The following DST variants were observed in gnomAD, a reference collection of about 807,000 sequenced individuals.
The protein encoded by DST is dystonin, also known as bullous pemphigoid antigen.
DST carries 253 observed loss-of-function variants against 875.2 expected under a neutral mutation model. That is an observed-to-expected ratio of 0.29 (90% CI 0.26 to 0.32). DST has a LOEUF of 0.32. Ranked by LOEUF, DST falls within the 10% of genes least tolerant of loss-of-function variation. The pLI is 1.00. For synonymous variants in DST, 3,124 were observed against 3,197.1 expected (o/e 0.98, Z 0.77); for missense variants, 8,287 against 9,111.6 (o/e 0.91, Z 3.68).
chr6:56,694,991 G>A (rs1323705907), intron 9 of DST, among the ~76,000 whole-genome samples: 1 of 151,982 alleles, frequency 6.6e-6, no homozygotes, highest in African/African-American at 2.4e-5. Context: ...GCCAGATGTG[G>A]TGATGCGTGC....
At chr6:56,619,080 C>G (rs1235672459) in intron 36 of DST, 1 of 1,613,896 alleles carries the variant, frequency 6.2e-7, no homozygotes, top group Non-Finnish European at 8.5e-7. Context: ...TTCGCCAGGT[C>G]TTCTTCTAGG....
intron 3 of DST, among the ~76,000 whole-genome samples, chr6:56,858,847 CTCA>C (rs1769410663): frequency 6.6e-6 from 1 of 152,122 alleles, no homozygotes; most frequent in Non-Finnish European, 1.5e-5. Flanking sequence ...TTATTTAATA[CTCA>C]CTGAAATCCA....
At chr6:56,619,672 T>C in intron 36 of DST, 1 of 1,613,938 alleles carries the variant, frequency 6.2e-7, no homozygotes, top group South Asian at 1.1e-5. Context: ...CTTGCATGGC[T>C]TCTTCAGCTT....
intron 3 of DST, among the ~76,000 whole-genome samples, chr6:56,891,341 T>A (rs1209153675): frequency 6.6e-6 from 1 of 152,050 alleles, no homozygotes; most frequent in African/African-American, 2.4e-5. Context: ...GGTGTTCTCT[T>A]GAGCCCAGGA....
Position 56,606,363 on chromosome 6 carries a change from T to G in DST, c.8265A>C (p.Ala2755=), listed in dbSNP as rs766067315. The change falls in exon 40 of 104, where the codon GCA becomes GCC. Residue 2755 remains alanine, a synonymous_variant. Coordinates refer to ENST00000680361, the MANE Select transcript of DST (RefSeq NM_001374736.1). The part of the protein sequence containing the change: ...DIVGGKESFT[A]SLKFDDSGSW... ...TGCCACTGTCATCAAATTTTAATGA[T>G]GCAGTGAAGCTCTCTTTTCCTCCTA... is the stretch of plus-strand genomic sequence containing the variant. The G allele has an allele frequency of 1.2e-6, 2 of 1,613,220 alleles. No individual in the cohort carries two copies. Among genetic ancestry groups the G allele is most frequent in the Admixed American group, 1.7e-5 (1 of 59,846 alleles).
At position 56,653,832 on chromosome 6, in the gene DST, C is replaced by T. The variant is rs564420209; in HGVS notation, c.1215-2588G>A. Among the ~76,000 whole-genome samples, 6 of 152,318 alleles carry T rather than the reference C, an allele frequency of 3.9e-5. No individual in the cohort carries two copies. The South Asian group carries it at 8.3e-4, about 21-fold the overall frequency. ...CTACCTGCCTGAAGCATCCAGAAGA[C>T]GCCTGTGCTGTGTGTGTCCTGTCCA... On this transcript the variant is annotated intron_variant, in intron 10 of 103. Transcript: ENST00000680361.
intron 91 of DST, 99 bp downstream of exon 91, chr6:56,477,246 T>A: frequency 7.5e-7 from 1 of 1,328,056 alleles, no homozygotes; most frequent in Non-Finnish European, 1.0e-6. Context: ...GAGGTCTCAT[T>A]TTCCCATGGC....
chr6:56,461,615 T>C (rs977991046), intron 102 of DST: 3 of 152,250 alleles, frequency 2.0e-5, no homozygotes, highest in Non-Finnish European at 4.4e-5. Flanking sequence ...TGGTTTTTTG[T>C]TTCATCACGT....
intron 69 of DST, among the ~76,000 whole-genome samples, chr6:56,518,459 G>A (rs1392825879): frequency 2.2e-5 from 3 of 133,744 alleles, no homozygotes; most frequent in African/African-American, 8.0e-5. Context: ...CATTTCCCAT[G>A]TCATACTCCT....
intron 4 of DST, among the ~76,000 whole-genome samples, chr6:56,825,435 C>T (rs2099779203): frequency 6.7e-6 from 1 of 148,814 alleles, no homozygotes; most frequent in Non-Finnish European, 1.5e-5. Context: ...ACCTTCCCTC[C>T]ACTATTGTCC....
intron 4 of DST, among the ~76,000 whole-genome samples, chr6:56,810,368 C>T (rs950922622): frequency 1.3e-5 from 2 of 152,088 alleles, no homozygotes; most frequent in Non-Finnish European, 2.9e-5. Context: ...CCAGAAATGG[C>T]AGCATTTTAT....
Position 56,900,578 on chromosome 6 carries a change from G to A in DST, c.260C>T (p.Ala87Val), listed in dbSNP as rs750111800. The change falls in exon 3 of 104, where the codon GCG (alanine) becomes GTG (valine). Residue 87 changes from alanine to valine, a missense_variant. By Grantham distance (64) the Ala-to-Val change is moderately conservative. Transcript: ENST00000680361. ...TTCTTCCAGACGGGCAGCTGCGGCC[G>A]CTGCAACTCGTCTTCTAAGATGCCG... ...SPRHLRRRVA[A>V]AAAARLEEVK... 39 of 1,367,482 alleles carry A rather than the reference G, an allele frequency of 2.9e-5. No individual in the cohort carries two copies. Among genetic ancestry groups the A allele is most frequent in the East Asian group, 9.1e-5 (2 of 21,992 alleles). 84.7% of individuals were successfully genotyped at this position (1,367,482 alleles called of 1,614,324 possible).
chr6:56,497,436 T>G lies in DST; in HGVS notation c.20166A>C (p.Ala6722=), dbSNP rs2095955859. The G allele has an allele frequency of 1.9e-6, 3 of 1,613,264 alleles. No homozygotes were observed. Among genetic ancestry groups the G allele is most frequent in the Non-Finnish European group, 2.5e-6 (3 of 1,179,432 alleles). The change falls in exon 82 of 104, where the codon GCA becomes GCC. Residue 6722 remains alanine (A), a synonymous_variant. Transcript: ENST00000680361. ...CCGGTAAACCTCCCAGCGGTTTAGA[T>G]GCCAACAGATGACGCTCCGTGTCAG... ...WLTDTERHLL[A]SKPLGGLPET...
chr6:56,653,570 A>G (rs1250340656), intron 10 of DST, among the ~76,000 whole-genome samples: 1 of 152,122 alleles, frequency 6.6e-6, no homozygotes, highest in Non-Finnish European at 1.5e-5. Flanking sequence ...CTGTAATCCC[A>G]GCTACTCGGG....
chr6:56,536,755 C>T (rs2097010190), intron 62 of DST, 24 bp downstream of exon 62: 2 of 1,501,568 alleles, frequency 1.3e-6, no homozygotes, highest in African/African-American at 2.8e-5. Context: ...AGCAAAATAG[C>T]AATGAAGGGG....
chr6:56,932,269 T>C (rs1810746513), intron 2 of DST, among the ~76,000 whole-genome samples: 1 of 152,168 alleles, frequency 6.6e-6, no homozygotes, highest in Non-Finnish European at 1.5e-5. Flanking sequence ...GCCACCAACA[T>C]GTAAGAAGTG....
At chr6:56,874,600 G>A (rs1331056538) in intron 3 of DST, among the ~76,000 whole-genome samples, 1 of 152,120 alleles carries the variant, frequency 6.6e-6, no homozygotes. Context: ...CTACATAAGG[G>A]AAAACTATGG....
At chr6:56,478,215 A>T (rs562189224) in intron 90 of DST, among the ~76,000 whole-genome samples, 1 of 152,354 alleles carries the variant, frequency 6.6e-6, no homozygotes, top group African/African-American at 2.4e-5. Context: ...AGCATTAACT[A>T]TGCCAGGAAA....
intron 53 of DST, among the ~76,000 whole-genome samples, chr6:56,570,976 G>A (rs2097771981): frequency 6.6e-6 from 1 of 152,182 alleles, no homozygotes; most frequent in South Asian, 2.1e-4. Flanking sequence ...CACGTTTATG[G>A]ATGGATAAAC....
Sources: gnomAD v4.1 joint callset for allele counts (sites outside exome capture counted in the v4.1 genomes callset) on GRCh38, gnomAD v4.1.1 for gene constraint, MANE v1.5 for transcripts, NCBI Gene and HGNC (gene_info 2026-07-23, HGNC 2026-07-21) for gene names.